The following ATRNL1 variants were observed in gnomAD, a reference collection of about 807,000 sequenced individuals.
ATRNL1 encodes the protein attractin like 1, also known as attractin-like protein 1.
A neutral mutation model predicts 182.7 loss-of-function variants in ATRNL1; 95 were observed. The observed-to-expected ratio is 0.52, with a 90% CI of 0.44 to 0.62. ATRNL1 has a LOEUF of 0.62. Among genes scored for constraint, ATRNL1 ranks in the 20% least tolerant of loss-of-function variants. ATRNL1 has a pLI of 0.00. For missense variants in ATRNL1, 1,471 were observed against 1,679.5 expected, an observed-to-expected ratio of 0.88 and a Z score of 2.17; for synonymous variants, 576 against 568.3, an observed-to-expected ratio of 1.01 and a Z score of -0.19.
intron 24 of ATRNL1, among the ~76,000 whole-genome samples, chr10:115,488,868 A>G (rs113438726): frequency 4.2e-4 from 64 of 152,272 alleles, no homozygotes; most frequent in African/African-American, 1.5e-3. Context: ...ATTTAGTGCT[A>G]TAAATATCCC....
chr10:115,375,449 T>G (rs1554949289), intron 19 of ATRNL1, among the ~76,000 whole-genome samples: 1 of 152,080 alleles, frequency 6.6e-6, no homozygotes, highest in Non-Finnish European at 1.5e-5. Flanking sequence ...ATTTGAAAAT[T>G]TAATCCATGT....
rs939776437 is a variant in ATRNL1, at chr10:115,266,905, T to G, written c.1881T>G (p.Ala627=). ...GAGATGAAGAACTTTGTAAAAATGC[T>G]GGTCCAGGGATAAAATGTGTTTGGA... ...AFRDEELCKN[A]GPGIKCVWNK... The change falls in exon 12 of 29, where the codon GCT becomes GCG. Residue 627 remains alanine, a synonymous_variant. Coordinates refer to ENST00000355044, the MANE Select transcript of ATRNL1 (RefSeq NM_207303.4). The G allele has an allele frequency of 6.2e-7, 1 of 1,612,372 alleles. No homozygotes were observed. Among genetic ancestry groups the G allele is most frequent in the East Asian group, 2.2e-5 (1 of 44,700 alleles).
At chr10:115,376,773 G>A (rs1554949654) in intron 19 of ATRNL1, among the ~76,000 whole-genome samples, 1 of 152,054 alleles carries the variant, frequency 6.6e-6, no homozygotes, top group Non-Finnish European at 1.5e-5. Flanking sequence ...CAATATTTGG[G>A]AAGTTTTCAG....
In ATRNL1 at chr10:115,223,940, T is replaced by A. The variant is rs1271268724; in HGVS notation, c.1532+8060T>A. ...ATATATATATATATATTTTTTTTTT[T>A]TTTTTTTTTCTTTGAGACAGACTCT... On this transcript the variant is annotated intron_variant, in intron 9 of 28. Transcript: ENST00000355044. Among the ~76,000 whole-genome samples the A allele has an allele frequency of 3.4e-3, 414 of 121,266 alleles. 14 individuals are homozygous for A. Among genetic ancestry groups the A allele is most frequent in the African/African-American group, 0.012 (395 of 31,802 alleles). The allele number at this position is 121,266 out of a possible 152,430, so 79.6% of individuals were successfully genotyped here. A position where few individuals can be genotyped will look rare whatever the true frequency, so the allele number is the denominator to read the frequency against.
intron 8 of ATRNL1, among the ~76,000 whole-genome samples, chr10:115,190,202 A>G (rs1468395436): frequency 4.6e-5 from 7 of 152,144 alleles, no homozygotes; most frequent in Non-Finnish European, 8.8e-5. Flanking sequence ...CGACTTTATC[A>G]TTTTAGCAAA....
chr10:115,456,283 A>G (rs1407236667), intron 21 of ATRNL1, among the ~76,000 whole-genome samples: 1 of 152,182 alleles, frequency 6.6e-6, no homozygotes, highest in Non-Finnish European at 1.5e-5. Flanking sequence ...GCACATATAC[A>G]CCATGGAATA....
intron 6 of ATRNL1, 107 bp from the exon 7 acceptor site, chr10:115,165,451 T>C (rs1846995024): frequency 3.9e-6 from 2 of 512,416 alleles, no homozygotes; most frequent in African/African-American, 1.9e-5. Context: ...TGTAACTCTT[T>C]TTGAATTTAA....
chr10:115,463,465 GT>G (rs1479454407), intron 22 of ATRNL1, among the ~76,000 whole-genome samples: 1 of 152,020 alleles, frequency 6.6e-6, no homozygotes, highest in African/African-American at 2.4e-5. Context: ...ATGTGATAAA[GT>G]TTTTATACCT....
At chr10:115,154,781 T>G (rs1281828877) in intron 5 of ATRNL1, among the ~76,000 whole-genome samples, 1 of 152,114 alleles carries the variant, frequency 6.6e-6, no homozygotes, top group Non-Finnish European at 1.5e-5. Flanking sequence ...GAGAGTAGGG[T>G]GTTGAAGTCC....
intron 26 of ATRNL1, among the ~76,000 whole-genome samples, chr10:115,557,006 GT>G (rs1853353224): frequency 1.3e-5 from 2 of 151,764 alleles, no homozygotes; most frequent in Admixed American, 1.3e-4. Context: ...GCCCTCAAAT[GT>G]TCTAATATGC....
At chr10:115,878,261 T>G (rs1386080587) in intron 28 of ATRNL1, among the ~76,000 whole-genome samples, 1 of 152,234 alleles carries the variant, frequency 6.6e-6, no homozygotes, top group Non-Finnish European at 1.5e-5. Flanking sequence ...AAGCCTTCAT[T>G]CCAACCAACC....
intron 28 of ATRNL1, among the ~76,000 whole-genome samples, chr10:115,858,834 C>T (rs1036612850): frequency 1.4e-4 from 22 of 151,856 alleles, no homozygotes; most frequent in Admixed American, 1.3e-3. Flanking sequence ...TCCTACTTTA[C>T]ATAGGTTTGG....
intron 17 of ATRNL1, 112 bp from the exon 18 acceptor site, chr10:115,315,406 A>G (rs1854247493): frequency 2.7e-6 from 2 of 750,590 alleles, no homozygotes; most frequent in Middle Eastern, 3.7e-4. Context: ...TGCATTAACT[A>G]TAGATGACCT....
chr10:115,630,849 C>T (rs189735809), intron 26 of ATRNL1, among the ~76,000 whole-genome samples: 4 of 140,564 alleles, frequency 2.8e-5, no homozygotes, highest in African/African-American at 1.2e-4. Context: ...CACACACACA[C>T]ACACACACAC....
intron 18 of ATRNL1, among the ~76,000 whole-genome samples, chr10:115,324,286 A>G (rs917634839): frequency 4.6e-5 from 7 of 151,926 alleles, no homozygotes; most frequent in Non-Finnish European, 7.4e-5. Context: ...TCAAAATACA[A>G]CTCTACCCAG....
At chr10:115,140,443 T>C (rs1845710475) in intron 5 of ATRNL1, among the ~76,000 whole-genome samples, 1 of 152,226 alleles carries the variant, frequency 6.6e-6, no homozygotes, top group Admixed American at 6.5e-5. Context: ...AACTTTGTAA[T>C]GTGGACTAGA....
intron 27 of ATRNL1, among the ~76,000 whole-genome samples, chr10:115,746,898 C>T (rs1285027969): frequency 2.6e-5 from 4 of 152,058 alleles, no homozygotes; most frequent in South Asian, 4.1e-4. Flanking sequence ...TGACGCATTT[C>T]AGTTGAAGTG....
chr10:115,944,622 A>C, intron 28 of ATRNL1, 36 bp from the exon 29 acceptor site: 1 of 1,574,030 alleles, frequency 6.4e-7, no homozygotes, highest in Non-Finnish European at 8.6e-7. Context: ...AGAAATGTCT[A>C]AGCAAGCATT....
chr10:115,768,260 A>G (rs73379766), intron 27 of ATRNL1, among the ~76,000 whole-genome samples: 4,728 of 152,148 alleles, frequency 0.031, 258 homozygotes, highest in African/African-American at 0.11. Flanking sequence ...ATGTACATAA[A>G]TTTTCAGAGC....
Sources: gnomAD v4.1 joint callset for allele counts (sites outside exome capture counted in the v4.1 genomes callset) on GRCh38, gnomAD v4.1.1 for gene constraint, MANE v1.5 for transcripts, NCBI Gene and HGNC (gene_info 2026-07-23, HGNC 2026-07-21) for gene names.